The following QPCTL variants were observed in gnomAD, a reference collection of about 807,000 sequenced individuals.
QPCTL encodes the protein glutaminyl-peptide cyclotransferase like.
In QPCTL, 31 loss-of-function variants were observed where a neutral mutation model predicts 34.6. The observed-to-expected ratio is 0.90, with a 90% CI of 0.67 to 1.21. QPCTL has a LOEUF of 1.21. QPCTL is among the 50% of genes most tolerant of loss of function. The pLI is 0.00. For synonymous variants in QPCTL, 223 were observed against 226.9 expected (o/e 0.98, Z 0.15); for missense variants, 474 against 507.8 (o/e 0.93, Z 0.64).
At chr19:45,698,405 CTG>C in intron 3 of QPCTL, 140 bp from the exon 4 acceptor site, 1 of 1,003,400 alleles carries the variant, frequency 1.0e-6, no homozygotes, top group Middle Eastern at 3.3e-4. Flanking sequence ...GACTCGGAAT[CTG>C]TGCTCTTGGC....
At position 45,695,372 on chromosome 19, in the gene QPCTL, C is replaced by T. The variant is rs1433369910; in HGVS notation, c.352-65C>T. ...CATCTGCTCTGCATGGCTCAGGTCACGTGGCCCTTCTCCCCACCTCCTCCC... is the reference window on the plus strand; with the variant it reads ...CATCTGCTCTGCATGGCTCAGGTCATGTGGCCCTTCTCCCCACCTCCTCCC... On this transcript the variant is annotated intron_variant, in intron 2 of 6. Transcript: ENST00000012049. The T allele has an allele frequency of 9.5e-6, 14 of 1,467,230 alleles. No homozygotes were observed. The Admixed American group carries it at 1.1e-4, about 11-fold the overall frequency. 90.9% of individuals were successfully genotyped at this position (1,467,230 alleles called of 1,614,324 possible).
intron 3 of QPCTL, among the ~76,000 whole-genome samples, chr19:45,697,343 G>A (rs983073988): frequency 1.7e-4 from 25 of 146,064 alleles, no homozygotes; most frequent in Admixed American, 4.8e-4. Context: ...GGAGAATGGC[G>A]TGAACTCGGG....
chr19:45,702,451 T>A (rs1163732299), intron 6 of QPCTL, among the ~76,000 whole-genome samples: 2 of 140,874 alleles, frequency 1.4e-5, no homozygotes, highest in Non-Finnish European at 1.5e-5. Context: ...CAACAGAGGG[T>A]GATGATATCT....
At chr19:45,698,102 G>A (rs1197649188) in intron 3 of QPCTL, among the ~76,000 whole-genome samples, 1 of 152,014 alleles carries the variant, frequency 6.6e-6, no homozygotes, top group Non-Finnish European at 1.5e-5. Context: ...AATTAGCCAG[G>A]CATGATAGCG....
In QPCTL at chr19:45,692,777, C is replaced by T. The variant is rs757747191; in HGVS notation, c.74C>T (p.Pro25Leu). 99 of 1,588,842 alleles carry T rather than the reference C, an allele frequency of 6.2e-5. No individual in the cohort carries two copies. The Middle Eastern group carries it at 4.5e-3, about 73-fold the overall frequency. ...ERGLMEPLLPPKRRLLPRVRL... is the reference protein window; with the variant it reads ...ERGLMEPLLPLKRRLLPRVRL... ...GGCCTCATGGAGCCACTCTTGCCGC[C>T]GAAGCGCCGCCTGCTACCGCGGGTT... The change falls in exon 1 of 7, where the codon CCG (proline) becomes CTG (leucine). Residue 25 changes from proline (P) to leucine (L), a missense_variant. Coordinates refer to ENST00000012049, the MANE Select transcript of QPCTL (RefSeq NM_017659.4).
chr19:45,696,111 T>C (rs908854031), intron 3 of QPCTL, among the ~76,000 whole-genome samples: 4 of 151,988 alleles, frequency 2.6e-5, no homozygotes, highest in Non-Finnish European at 4.4e-5. Context: ...TCCCGCCTCA[T>C]TCCAGCCATA....
Position 45,695,646 on chromosome 19 carries a change from GGC to G in QPCTL, c.562_563del (p.Ala188CysfsTer14). 1 of 1,613,912 alleles carries G rather than the reference GGC, an allele frequency of 6.2e-7. No homozygotes were observed. Among genetic ancestry groups the G allele is most frequent in the Non-Finnish European group, 8.5e-7 (1 of 1,179,946 alleles). ...STPFVGATDSAVPCALLLELA... is the reference protein window; with the variant it reads ...STPFVGATDSXVPCALLLELA... ...CCCCCTTTGTAGGGGCCACGGATTC[GGC>G]TGTGCCCTGTGCCCTGCTGCTGGAG... On this transcript the variant is annotated frameshift_variant, in exon 3 of 7. Coordinates refer to ENST00000012049, the MANE Select transcript of QPCTL (RefSeq NM_017659.4). LOFTEE classifies it high-confidence loss of function.
At chr19:45,700,256 C>T (rs1052074281) in intron 5 of QPCTL, among the ~76,000 whole-genome samples, 3 of 151,934 alleles carry the variant, frequency 2.0e-5, no homozygotes, top group African/African-American at 4.8e-5. Flanking sequence ...ACCAGCCTGG[C>T]GAATATGGTA....
chr19:45,703,117 A>G lies in QPCTL; in HGVS notation c.*68A>G. ...GTCCCAGCGGGGGCCAGTGAAGCTC[A>G]GGCAGGATCTGCCTAGGGTGTGCTG... On this transcript the variant is annotated 3_prime_UTR_variant, in exon 7 of 7. Transcript: ENST00000012049. 6.3e-7 allele frequency: 1 copy of G among 1,587,864 alleles called. No homozygotes were observed. The highest frequency in any genetic ancestry group is 2.2e-5 in the East Asian group (1 of 44,622).
At chr19:45,698,384 C>T (rs1967741663) in intron 3 of QPCTL, 163 bp from the exon 4 acceptor site, 2 of 833,364 alleles carry the variant, frequency 2.4e-6, no homozygotes, top group African/African-American at 3.4e-5. Context: ...CGGATTTGAT[C>T]CCAGACAACT....
chr19:45,698,952 G>A (rs1250882454), intron 5 of QPCTL, 52 bp downstream of exon 5: 3 of 1,539,758 alleles, frequency 1.9e-6, no homozygotes, highest in South Asian at 1.1e-5. Flanking sequence ...ATGGGGTACA[G>A]GGCGGTGGGC....
rs1967844675 is a variant in QPCTL, at chr19:45,703,327, A to G, written c.*278A>G. 1 of 393,310 alleles carries G rather than the reference A, an allele frequency of 2.5e-6. No homozygotes were observed. Among genetic ancestry groups the G allele is most frequent in the African/African-American group, 2.1e-5 (1 of 47,210 alleles). The allele number at this position is 393,310 out of a possible 1,614,324, so 24.4% of individuals were successfully genotyped here. A position where few individuals can be genotyped will look rare whatever the true frequency, so the allele number is the denominator to read the frequency against. On this transcript the variant is annotated 3_prime_UTR_variant, in exon 7 of 7. Coordinates refer to ENST00000012049, the MANE Select transcript of QPCTL (RefSeq NM_017659.4). Reference sequence around the variant, plus strand: ...CTTGGTCCAAAGGTTTGCAGGGACCAAATACTGTTCTTTTTTTTTTTGAGA... The same window carrying G: ...CTTGGTCCAAAGGTTTGCAGGGACCGAATACTGTTCTTTTTTTTTTTGAGA...
intron 5 of QPCTL, among the ~76,000 whole-genome samples, chr19:45,700,911 A>G (rs1967797787): frequency 5.1e-5 from 7 of 137,070 alleles, no homozygotes; most frequent in Non-Finnish European, 3.1e-5. Context: ...GTGAGCCGAG[A>G]TTGTGCTACT....
In QPCTL at chr19:45,692,912, T is replaced by G. The variant is rs1600335855; in HGVS notation, c.207+2T>G. ...CTGCCGCTGGGCCGGGAGCTGCGGGTGAGGCTGGGCGGGGACCCGGGCACC... is the reference window on the plus strand; with the variant it reads ...CTGCCGCTGGGCCGGGAGCTGCGGGGGAGGCTGGGCGGGGACCCGGGCACC... On this transcript the variant is annotated splice_donor_variant, in intron 1 of 6. Coordinates refer to ENST00000012049, the MANE Select transcript of QPCTL (RefSeq NM_017659.4). LOFTEE classifies it high-confidence loss of function. 5 of 1,535,506 alleles carry G rather than the reference T, an allele frequency of 3.3e-6. No homozygotes were observed. The highest frequency in any genetic ancestry group is 4.4e-6 in the Non-Finnish European group (5 of 1,144,016).
chr19:45,695,368 G>A, intron 2 of QPCTL, 69 bp from the exon 3 acceptor site: 1 of 1,450,612 alleles, frequency 6.9e-7, no homozygotes, highest in Admixed American at 1.8e-5. Flanking sequence ...CATGGCTCAG[G>A]TCACGTGGCC....
intron 2 of QPCTL, among the ~76,000 whole-genome samples, chr19:45,695,166 A>G (rs1967664545): frequency 1.3e-5 from 2 of 151,922 alleles, no homozygotes. Flanking sequence ...GGCGCCTGTA[A>G]CCCCAGCTAC....
rs1258950783 is a variant in QPCTL at position 45,698,539 on chromosome 19, T to C, written c.634-8T>C. On this transcript the variant is annotated splice_polypyrimidine_tract_variant and splice_region_variant and intron_variant, in intron 3 of 6. Transcript: ENST00000012049. ...CTGGCTCTGGCCACCCCCCTGCTGC[T>C]CCCACAGGCAGCCCCGGTGACCCTG... 1.2e-6 allele frequency: 2 copies of C among 1,613,728 alleles called. No individual in the cohort carries two copies. The highest frequency in any genetic ancestry group is 4.5e-5 in the East Asian group (2 of 44,874).
Position 45,692,929 on chromosome 19 carries a change from C to A in QPCTL, c.207+19C>A, listed in dbSNP as rs1307539088. On this transcript the variant is annotated intron_variant, in intron 1 of 6. Transcript: ENST00000012049. ...GCTGCGGGTGAGGCTGGGCGGGGAC[C>A]CGGGCACCGCGGGGACCCTCATTCC... 6.5e-7 allele frequency: 1 copy of A among 1,530,676 alleles called. No homozygotes were observed. The highest frequency in any genetic ancestry group is 1.2e-5 in the South Asian group (1 of 83,466). The allele number at this position is 1,530,676 out of a possible 1,614,324, so 94.8% of individuals were successfully genotyped here.
intron 6 of QPCTL, among the ~76,000 whole-genome samples, 172 bp from the exon 7 acceptor site, chr19:45,702,732 C>T (rs542038058): frequency 6.6e-6 from 1 of 151,530 alleles, no homozygotes; most frequent in African/African-American, 2.4e-5. Context: ...CCACTGCACT[C>T]CAGCCTGGGC....
Sources: gnomAD v4.1 joint callset for allele counts (sites outside exome capture counted in the v4.1 genomes callset) on GRCh38, gnomAD v4.1.1 for gene constraint, MANE v1.5 for transcripts, NCBI Gene and HGNC (gene_info 2026-07-23, HGNC 2026-07-21) for gene names.